Variants in PREP observed in about 807,000 individuals in gnomAD.
The protein encoded by PREP is dJ355L5.1 (prolyl endopeptidase).
Under a neutral mutation model 87.6 loss-of-function variants are expected in PREP, and 29 were observed. The observed-to-expected ratio is 0.33, with a 90% CI of 0.25 to 0.45. PREP has a LOEUF of 0.45. Among genes scored for constraint, PREP ranks in the 20% least tolerant of loss-of-function variants. The pLI, the probability that PREP is intolerant of heterozygous loss-of-function variation, is 1.00. For synonymous variants in PREP, 337 were observed against 328.6 expected (o/e 1.03, Z -0.28); for missense variants, 695 against 886.5 (o/e 0.78, Z 2.74).
intron 9 of PREP, among the ~76,000 whole-genome samples, chr6:105,328,414 T>C (rs7761208): frequency 0.35 from 53,279 of 151,974 alleles, 13,545 homozygotes; most frequent in African/African-American, 0.72. Context: ...CGCGCCACCA[T>C]GCCCAGCTAA....
intron 6 of PREP, among the ~76,000 whole-genome samples, chr6:105,368,634 T>C (rs554154009): frequency 6.6e-6 from 1 of 152,328 alleles, no homozygotes; most frequent in Non-Finnish European, 1.5e-5. Flanking sequence ...TTTACCTTAC[T>C]AGGTACTTTT....
chr6:105,397,555 T>C (rs1026509522), intron 2 of PREP, among the ~76,000 whole-genome samples: 1 of 152,262 alleles, frequency 6.6e-6, no homozygotes, highest in Non-Finnish European at 1.5e-5. Context: ...TTTTCATTTT[T>C]TCTTTTGGCA....
intron 10 of PREP, chr6:105,298,782 G>A (rs139377146): frequency 2.6e-3 from 405 of 153,396 alleles, no homozygotes; most frequent in Non-Finnish European, 4.3e-3. Flanking sequence ...ACAATAATGG[G>A]TATGCTAAGA....
chr6:105,305,490 C>T lies in PREP; in HGVS notation c.1318-16596G>A, dbSNP rs188992781. ...CAATTAGAAGAGACTGAACTAGAGG[C>T]GTAGAGGCGGTATCACAAATAGCTA... is the stretch of plus-strand genomic sequence containing the variant. On this transcript the variant is annotated intron_variant, in intron 10 of 14. Transcript: ENST00000652536. 5.3e-5 allele frequency among the ~76,000 whole-genome samples: 8 copies of T among 151,932 alleles called. No homozygotes were observed. The East Asian group carries it at 7.7e-4, about 15-fold the overall frequency.
intron 1 of PREP, among the ~76,000 whole-genome samples, chr6:105,399,512 C>T (rs1280078903): frequency 3.9e-5 from 6 of 152,122 alleles, no homozygotes; most frequent in South Asian, 2.1e-4. Flanking sequence ...GAGCAAGGGA[C>T]GTAAAAACAA....
intron 7 of PREP, among the ~76,000 whole-genome samples, chr6:105,336,808 T>C (rs943252406): frequency 1.3e-4 from 20 of 152,202 alleles, no homozygotes; most frequent in African/African-American, 4.8e-4. Context: ...TCTGTGCCTA[T>C]AAACTTCCAG....
intron 6 of PREP, among the ~76,000 whole-genome samples, chr6:105,366,838 A>G (rs1243579330): frequency 6.6e-6 from 1 of 152,228 alleles, no homozygotes; most frequent in Non-Finnish European, 1.5e-5. Flanking sequence ...CAAAAAGACA[A>G]ATACTGTAAG....
intron 2 of PREP, among the ~76,000 whole-genome samples, chr6:105,397,185 C>CAAAAAAAAAAA (rs67107334): frequency 4.6e-5 from 4 of 86,850 alleles, no homozygotes; most frequent in South Asian, 7.9e-4. Flanking sequence ...ACTCTGTCTA[C>CAAAAAAAAAAA]AAAAAAAAAA....
At chr6:105,382,940 G>A (rs1341063205) in intron 2 of PREP, among the ~76,000 whole-genome samples, 1 of 152,150 alleles carries the variant, frequency 6.6e-6, no homozygotes, top group Non-Finnish European at 1.5e-5. Flanking sequence ...GGAGAAAGTG[G>A]CAAAAACCAT....
rs561532577 is a variant in PREP at position 105,395,917 on chromosome 6, G to A, written c.120+1936C>T. 3.3e-5 allele frequency among the ~76,000 whole-genome samples: 5 copies of A among 152,300 alleles called. No individual in the cohort carries two copies. The South Asian group carries it at 1.0e-3, about 32-fold the overall frequency. On this transcript the variant is annotated intron_variant, in intron 2 of 14. Transcript: ENST00000652536. ...TTTCTAGCCAGTACAGGTTATGCAGGTGCATGTGACTCTCCACTCCCAGAC... is the reference window on the plus strand; with the variant it reads ...TTTCTAGCCAGTACAGGTTATGCAGATGCATGTGACTCTCCACTCCCAGAC...
At chr6:105,366,927 G>C (rs1344272052) in intron 6 of PREP, among the ~76,000 whole-genome samples, 2 of 152,210 alleles carry the variant, frequency 1.3e-5, no homozygotes, top group East Asian at 3.9e-4. Flanking sequence ...GGTGATGGCA[G>C]TGGTGGGTGG....
chr6:105,368,257 AG>A (rs1772445900), intron 6 of PREP, among the ~76,000 whole-genome samples: 1 of 152,214 alleles, frequency 6.6e-6, no homozygotes, highest in Admixed American at 6.5e-5. Flanking sequence ...AGTATTTCTT[AG>A]TACACAGGAA....
intron 7 of PREP, among the ~76,000 whole-genome samples, chr6:105,347,023 C>A (rs1232853789): frequency 2.6e-5 from 4 of 151,596 alleles, no homozygotes; most frequent in Non-Finnish European, 5.9e-5. Flanking sequence ...TCACTTGAAC[C>A]CAGGAGGCGG....
chr6:105,341,213 A>G (rs915099359), intron 7 of PREP, among the ~76,000 whole-genome samples: 9 of 152,376 alleles, frequency 5.9e-5, no homozygotes, highest in African/African-American at 1.9e-4. Flanking sequence ...AAATCAAATT[A>G]GAGCTCAGGA....
Position 105,285,579 on chromosome 6 carries a change from C to T in PREP, c.1456G>A (p.Val486Ile). Residue 486 changes from valine (V) to isoleucine (I), a missense_variant and splice_region_variant, in exon 12 of 15, where the codon GTT becomes ATT. Physicochemically the swap from Val to Ile is conservative, Grantham distance 29 (BLOSUM62 3). This residue lies in a region of PREP where 517 missense variants were observed against 620.3 expected (regional missense o/e 0.83). Transcript: ENST00000652536. The stretch of plus-strand genomic sequence containing the variant: ...TGTCTCACAAAAATAAGCCTGGAAA[C>T]ACTGAGAAGCAGTAAAAACAGTTAA... ...FNISITPNYS[V>I]SRLIFVRHMG... 1 of 1,612,362 alleles carries T rather than the reference C, an allele frequency of 6.2e-7. No individual in the cohort carries two copies. Among genetic ancestry groups the T allele is most frequent in the Non-Finnish European group, 8.5e-7 (1 of 1,178,370 alleles).
chr6:105,291,660 G>C (rs1471448447), intron 10 of PREP, among the ~76,000 whole-genome samples: 2 of 152,154 alleles, frequency 1.3e-5, no homozygotes, highest in African/African-American at 4.8e-5. Context: ...CCTTGCTCCT[G>C]AGCTTGCAGA....
chr6:105,374,906 A>G (rs1772649828), intron 4 of PREP, among the ~76,000 whole-genome samples: 1 of 152,114 alleles, frequency 6.6e-6, no homozygotes, highest in African/African-American at 2.4e-5. Context: ...AACATTCCAT[A>G]AAGAAGTCAC....
chr6:105,364,768 C>A (rs1772343364), intron 6 of PREP, among the ~76,000 whole-genome samples: 1 of 152,218 alleles, frequency 6.6e-6, no homozygotes, highest in Non-Finnish European at 1.5e-5. Context: ...ACAGACCGAA[C>A]TAGAATAAAA....
intron 7 of PREP, among the ~76,000 whole-genome samples, chr6:105,346,710 G>C (rs1156722971): frequency 1.3e-5 from 2 of 152,170 alleles, no homozygotes; most frequent in Non-Finnish European, 2.9e-5. Flanking sequence ...ATTGAAGGAG[G>C]TTGTTAAGTT....
Sources: allele counts gnomAD v4.1 joint callset (sites outside exome capture counted in the v4.1 genomes callset), GRCh38; gene constraint gnomAD v4.1.1; regional missense constraint gnomAD v4.1.1; transcripts MANE v1.5; gene names NCBI Gene and HGNC (gene_info 2026-07-23, HGNC 2026-07-21).